The following CCDC88B variants were observed in gnomAD, a reference collection of about 807,000 sequenced individuals.
The protein encoded by CCDC88B is coiled-coil and HOOK domain protein 88B.
Under a neutral mutation model 183.7 loss-of-function variants are expected in CCDC88B, and 138 were observed. That is an observed-to-expected ratio of 0.75 (90% confidence interval 0.65 to 0.87). The LOEUF is 0.87. Ranked by LOEUF, CCDC88B falls within the 40% of genes least tolerant of loss-of-function variation. CCDC88B has a pLI of 0.00. For missense variants in CCDC88B, 1,822 were observed against 1,965.6 expected, an observed-to-expected ratio of 0.93 and a Z score of 1.38; for synonymous variants, 835 against 867.5, an observed-to-expected ratio of 0.96 and a Z score of 0.66.
intron 16 of CCDC88B, 186 bp downstream of exon 16, chr11:64,349,854 T>C (rs2036263108): frequency 3.3e-6 from 2 of 615,290 alleles, no homozygotes; most frequent in Non-Finnish European, 5.7e-6. Flanking sequence ...TGTTGACTTA[T>C]CTGGGGTCTC....
Position 64,341,833 on chromosome 11 carries a change from C to T in CCDC88B, c.675+91C>T, listed in dbSNP as rs184592238. On this transcript the variant is annotated intron_variant, in intron 7 of 26. Transcript: ENST00000356786. The stretch of plus-strand genomic sequence containing the variant: ...TGCAAGGGAGATGGAAGTTTGGGGC[C>T]CAGGCATGGGGTTGTGGTCTGAGGT... 487 of 1,515,958 alleles carry T rather than the reference C, an allele frequency of 3.2e-4. 2 individuals carry two copies. The African/African-American group carries it at 6.5e-3, about 20-fold the overall frequency. The allele number at this position is 1,515,958 out of a possible 1,614,324, so 93.9% of individuals were successfully genotyped here.
Position 64,343,831 on chromosome 11 carries a change from G to A in CCDC88B, c.1372G>A (p.Ala458Thr), listed in dbSNP as rs1315026012. Residue 458 changes from alanine to threonine, a missense_variant, in exon 13 of 27, where the codon GCT (alanine) becomes ACT (threonine). Transcript: ENST00000356786. ...GCAAGATGAGGTGAGGGAGGCAGAGGCTGGGCGGCTTCGGACCCTTGAGAG... is the reference window on the plus strand; with the variant it reads ...GCAAGATGAGGTGAGGGAGGCAGAGACTGGGCGGCTTCGGACCCTTGAGAG... Reference protein sequence around the residue: ...SLQDEVREAEAGRLRTLEREN... With the variant: ...SLQDEVREAETGRLRTLEREN... 1 of 1,596,728 alleles carries A rather than the reference G, an allele frequency of 6.3e-7. No individual in the cohort carries two copies. The highest frequency in any genetic ancestry group is 1.1e-5 in the South Asian group (1 of 88,528).
rs778531992 is a variant in CCDC88B at position 64,353,478 on chromosome 11, G to T, written c.3815G>T (p.Arg1272Leu). ...CTGGAGAGTCGGGACCACCTGCACC[G>T]CGAACAGCGGGAGTACCTGTGAGTG... Reference protein sequence around the residue: ...RSLESRDHLHREQREYLDQLN... With the variant: ...RSLESRDHLHLEQREYLDQLN... The change falls in exon 22 of 27, where the codon CGC becomes CTC. Residue 1272 changes from arginine (R) to leucine (L), a missense_variant. Coordinates refer to ENST00000356786, the MANE Select transcript of CCDC88B (RefSeq NM_032251.6). 7 of 1,611,868 alleles carry T rather than the reference G, an allele frequency of 4.3e-6. No individual in the cohort carries two copies. Among genetic ancestry groups the T allele is most frequent in the South Asian group, 2.2e-5 (2 of 91,014 alleles).
chr11:64,341,157 T>C lies in CCDC88B; in HGVS notation c.367T>C (p.Leu123=), dbSNP rs755212385. 8.7e-6 allele frequency: 14 copies of C among 1,613,962 alleles called. No homozygotes were observed. The highest frequency in any genetic ancestry group is 3.3e-5 in the South Asian group (3 of 91,078). Reference sequence around the variant, plus strand: ...GTCGCCACCCCCAGACCTCCAGACATTGGGATTTGACCCTCTCTCAGGTGC... The same window carrying C: ...GTCGCCACCCCCAGACCTCCAGACACTGGGATTTGACCCTCTCTCAGGTGC... ...ILSPPPDLQT[L]GFDPLSEEAV... The change falls in exon 4 of 27, where the codon TTG becomes CTG. Residue 123 remains leucine, a synonymous_variant. Transcript: ENST00000356786.
chr11:64,344,051 G>A lies in CCDC88B; in HGVS notation c.1510G>A (p.Ala504Thr). 6.3e-7 allele frequency: 1 copy of A among 1,583,324 alleles called. No individual in the cohort carries two copies. The highest frequency in any genetic ancestry group is 8.6e-7 in the Non-Finnish European group (1 of 1,164,008). Residue 504 changes from alanine to threonine, a missense_variant, in exon 14 of 27, where the codon GCT becomes ACT. Coordinates refer to ENST00000356786, the MANE Select transcript of CCDC88B (RefSeq NM_032251.6). This position sits in a 1 kb window ranked among gnomAD's most constrained non-coding sequence, Gnocchi z 4.5. ...CCCTGTTCTTCCAGTGCTGGAGGAG[G>A]CTCCCCAGACTCCTGTGGCCTTCGA... ...EDPVLPVLEEAPQTPVAFDHS... is the reference protein window; with the variant it reads ...EDPVLPVLEETPQTPVAFDHS...
chr11:64,349,451 C>A lies in CCDC88B; in HGVS notation c.2737C>A (p.His913Asn), dbSNP rs1428910930. Residue 913 changes from histidine to asparagine, a missense_variant, in exon 15 of 27, where the codon CAC becomes AAC. Physicochemically the swap from His to Asn is moderately conservative, Grantham distance 68. Coordinates refer to ENST00000356786, the MANE Select transcript of CCDC88B (RefSeq NM_032251.6). ...QEFLREKESQ[H>N]QRYQGLEQRL... ...ATTTCTGCGAGAAAAGGAAAGCCAG[C>A]ACCAGAGGTGGGGACAGGGCTGAGG... is the stretch of plus-strand genomic sequence containing the variant. 6.2e-7 allele frequency: 1 copy of A among 1,611,714 alleles called. No individual in the cohort carries two copies. The highest frequency in any genetic ancestry group is 8.5e-7 in the Non-Finnish European group (1 of 1,179,450).
At chr11:64,346,940 G>T (rs1259861482) in intron 14 of CCDC88B, among the ~76,000 whole-genome samples, 1 of 151,594 alleles carries the variant, frequency 6.6e-6, no homozygotes, top group African/African-American at 2.4e-5. Flanking sequence ...GACTACAGGT[G>T]CATGCCACCA....
chr11:64,343,629 C>T lies in CCDC88B; in HGVS notation c.1318+14C>T. 6.5e-7 allele frequency: 1 copy of T among 1,550,224 alleles called. No individual in the cohort carries two copies. The highest frequency in any genetic ancestry group is 8.7e-7 in the Non-Finnish European group (1 of 1,146,162). On this transcript the variant is annotated intron_variant, in intron 12 of 26. Transcript: ENST00000356786. ...CCCCTGGGGAGGGTGAGGGACCCCA[C>T]TGGAAGGGCTGGGGTGGGGGCTTCC...
chr11:64,341,093 G>T lies in CCDC88B; in HGVS notation c.319-16G>T, dbSNP rs766650840. The T allele has an allele frequency of 1.9e-6, 3 of 1,614,102 alleles. No homozygotes were observed. In the Admixed American group the frequency reaches 5.0e-5, roughly 27 times the overall value. On this transcript the variant is annotated splice_polypyrimidine_tract_variant and intron_variant, in intron 3 of 26. Coordinates refer to ENST00000356786, the MANE Select transcript of CCDC88B (RefSeq NM_032251.6). ...TTCGGGAAGGCGCCTCATATAGTCTGCCTCTCTGCCTCCAGGAGGAGCTGC... is the reference window on the plus strand; with the variant it reads ...TTCGGGAAGGCGCCTCATATAGTCTTCCTCTCTGCCTCCAGGAGGAGCTGC...
chr11:64,357,029 T>C lies in CCDC88B; in HGVS notation c.4376-10T>C. On this transcript the variant is annotated splice_polypyrimidine_tract_variant and intron_variant, in intron 26 of 26. Transcript: ENST00000356786. ...AGGGAAGCAGATCTCAGCTGAGCCT[T>C]TCCCTCTAGGCCCTGAGGTACAGGA... The C allele has an allele frequency of 1.3e-6, 2 of 1,570,546 alleles. No individual in the cohort carries two copies. The highest frequency in any genetic ancestry group is 1.4e-5 in the African/African-American group (1 of 73,784).
In CCDC88B at chr11:64,342,150, G is replaced by T; in HGVS notation, c.821+11G>T. On this transcript the variant is annotated intron_variant, in intron 8 of 26. Coordinates refer to ENST00000356786, the MANE Select transcript of CCDC88B (RefSeq NM_032251.6). ...TCTGCGGCAGGAGCTGTGAGTGTGC[G>T]CAGCCTGGGAAGGGGACTGAGTGGA... 1 of 1,606,072 alleles carries T rather than the reference G, an allele frequency of 6.2e-7. No homozygotes were observed. Among genetic ancestry groups the T allele is most frequent in the Non-Finnish European group, 8.5e-7 (1 of 1,177,448 alleles).
In CCDC88B at chr11:64,351,307, TG is replaced by T. The variant is rs771843365; in HGVS notation, c.2958+53del. ...GGGGAGGTGCCCCGTGCAGTGTGAG[TG>T]TGGGTCCACGGTGGACCCTGGGCTG... On this transcript the variant is annotated intron_variant, in intron 17 of 26. Coordinates refer to ENST00000356786, the MANE Select transcript of CCDC88B (RefSeq NM_032251.6). The T allele has an allele frequency of 2.2e-5, 33 of 1,496,216 alleles. No homozygotes were observed. The South Asian group carries it at 4.3e-4, about 19-fold the overall frequency. The allele number at this position is 1,496,216 out of a possible 1,614,324, so 92.7% of individuals were successfully genotyped here. A position where few individuals can be genotyped will look rare whatever the true frequency, so the allele number is the denominator to read the frequency against.
Position 64,355,552 on chromosome 11 carries a change from C to T in CCDC88B, c.4307-8C>T. ...CCCTGGGCCCAGTGGTTGCCTTGTG[C>T]CTCCCAGGACCTGGTGTGGGATGGG... is the stretch of plus-strand genomic sequence containing the variant. On this transcript the variant is annotated splice_polypyrimidine_tract_variant and splice_region_variant and intron_variant, in intron 25 of 26. Coordinates refer to ENST00000356786, the MANE Select transcript of CCDC88B (RefSeq NM_032251.6). 6.2e-7 allele frequency: 1 copy of T among 1,612,782 alleles called. No homozygotes were observed. Among genetic ancestry groups the T allele is most frequent in the Non-Finnish European group, 8.5e-7 (1 of 1,179,654 alleles).
In CCDC88B at chr11:64,357,347, C is replaced by A; in HGVS notation, c.*253C>A. 1.4e-6 allele frequency: 1 copy of A among 718,606 alleles called. No homozygotes were observed. Among genetic ancestry groups the A allele is most frequent in the Non-Finnish European group, 2.6e-6 (1 of 386,058 alleles). The allele number at this position is 718,606 out of a possible 1,614,324, so 44.5% of individuals were successfully genotyped here. On this transcript the variant is annotated 3_prime_UTR_variant, in exon 27 of 27. Transcript: ENST00000356786. ...GGAGTTCTGGTTCTTCCAGGTGGCT[C>A]CCGCTGAGGCAGCGGTCTCTGGGGG...
chr11:64,343,314 G>A lies in CCDC88B; in HGVS notation c.1198G>A (p.Glu400Lys). The change falls in exon 11 of 27, where the codon GAG (glutamate) becomes AAG (lysine). Residue 400 changes from glutamate to lysine, a missense_variant. Glu to Lys is a moderately conservative substitution (Grantham distance 56). Coordinates refer to ENST00000356786, the MANE Select transcript of CCDC88B (RefSeq NM_032251.6). ...ENLLLRTRLG[E>K]AHAELDSLRH... ...CCTGCTGCTGCGAACCCGGCTGGGC[G>A]AGGCCCATGCGGTAAGGTAGCCAGA... The A allele has an allele frequency of 6.4e-7, 1 of 1,550,428 alleles. No homozygotes were observed. Among genetic ancestry groups the A allele is most frequent in the Non-Finnish European group, 8.7e-7 (1 of 1,146,792 alleles).
chr11:64,340,293 C>G lies in CCDC88B; in HGVS notation c.27C>G (p.Leu9=), dbSNP rs2035777981. 4 of 1,282,322 alleles carry G rather than the reference C, an allele frequency of 3.1e-6. No homozygotes were observed. The highest frequency in any genetic ancestry group is 4.0e-6 in the Non-Finnish European group (4 of 1,006,168). 79.4% of individuals were successfully genotyped at this position (1,282,322 alleles called of 1,614,324 possible). A position where few individuals can be genotyped will look rare whatever the true frequency, so the allele number is the denominator to read the frequency against. Residue 9 remains leucine (L), a synonymous_variant, in exon 1 of 27, where the codon CTC becomes CTG. Coordinates refer to ENST00000356786, the MANE Select transcript of CCDC88B (RefSeq NM_032251.6). ...TGGAGGGGGGCAAGGGGCCCAGGCT[C>G]AGAGACTTCCTGAGTGGGAGTCTGG... MEGGKGPR[L]RDFLSGSLAT... is the part of the protein sequence containing the mutation.
intron 7 of CCDC88B, 32 bp downstream of exon 7, chr11:64,341,774 T>C (rs1253727605): frequency 3.2e-5 from 49 of 1,541,318 alleles, no homozygotes; most frequent in Non-Finnish European, 3.7e-5. Context: ...TGGACTCAGG[T>C]TGGGGAACTG....
chr11:64,355,487 C>T (rs778335622), intron 25 of CCDC88B, 73 bp from the exon 26 acceptor site: 53 of 1,592,822 alleles, frequency 3.3e-5, no homozygotes, highest in Non-Finnish European at 4.5e-5. Context: ...TCCTTCTTGT[C>T]CCCTGTGTCT....
At position 64,349,362 on chromosome 11, in the gene CCDC88B, A is replaced by G. The variant is rs543508284; in HGVS notation, c.2648A>G (p.Glu883Gly). ...GAGAAAGCTGTGGTGCGGGGCAAGG[A>G]GTTGGGGGACCGGCTGGAGCATTTG... ...ELEKAVVRGK[E>G]LGDRLEHLQR... The change falls in exon 15 of 27, where the codon GAG becomes GGG. Residue 883 changes from glutamate to glycine, a missense_variant. By Grantham distance (98) the Glu-to-Gly change is moderately conservative. Transcript: ENST00000356786. 1 of 1,612,306 alleles carries G rather than the reference A, an allele frequency of 6.2e-7. No homozygotes were observed. Among genetic ancestry groups the G allele is most frequent in the East Asian group, 2.2e-5 (1 of 44,862 alleles).
Sources: allele counts gnomAD v4.1 joint callset (sites outside exome capture counted in the v4.1 genomes callset), GRCh38; gene constraint gnomAD v4.1.1; non-coding constraint Gnocchi (gnomAD v3.1); transcripts MANE v1.5; gene names NCBI Gene and HGNC (gene_info 2026-07-23, HGNC 2026-07-21).